PRSS23: variants seen among roughly 807,000 people sequenced by gnomAD.
PRSS23 encodes protease, serine 23.
Under a neutral mutation model 34.7 loss-of-function variants are expected in PRSS23, and 25 were observed. The observed-to-expected ratio is 0.72, with a 90% CI of 0.53 to 1.01. The LOEUF (loss-of-function observed/expected upper bound fraction) is 1.01. Ranked by LOEUF, PRSS23 falls within the 50% of genes least tolerant of loss-of-function variation. The pLI, the probability that PRSS23 is intolerant of heterozygous loss-of-function variation, is 0.00. For synonymous variants in PRSS23, 176 were observed against 186.6 expected (o/e 0.94, Z 0.46); for missense variants, 445 against 475.6 (o/e 0.94, Z 0.60).
intron 2 of PRSS23, among the ~76,000 whole-genome samples, chr11:86,902,555 C>T (rs953409324): frequency 2.6e-5 from 4 of 152,144 alleles, no homozygotes; most frequent in East Asian, 1.9e-4. Context: ...TGAGCTGCCA[C>T]CAGATAACAG....
intron 2 of PRSS23, among the ~76,000 whole-genome samples, chr11:86,939,424 A>ATTTTTTT (rs1346009599): frequency 2.4e-4 from 20 of 84,004 alleles, no homozygotes; most frequent in African/African-American, 6.4e-4. Flanking sequence ...ATATATATAT[A>ATTTTTTT]TATTTTTTAA....
At chr11:86,823,164 C>A (rs577693284) in intron 1 of PRSS23, among the ~76,000 whole-genome samples, 1 of 152,254 alleles carries the variant, frequency 6.6e-6, no homozygotes, top group East Asian at 1.9e-4. Context: ...AACATGGAGG[C>A]AGAGGGTAAT....
At chr11:86,841,412 C>A (rs1948447464) in intron 2 of PRSS23, among the ~76,000 whole-genome samples, 1 of 149,692 alleles carries the variant, frequency 6.7e-6, no homozygotes, top group South Asian at 2.1e-4. Flanking sequence ...AACTCAAAAG[C>A]TAGCAGAAGT....
intron 2 of PRSS23, among the ~76,000 whole-genome samples, chr11:86,872,505 A>G (rs2508428): frequency 0.57 from 86,468 of 152,004 alleles, 25,532 homozygotes; most frequent in African/African-American, 0.73. Context: ...CAGACTGTTA[A>G]GGTCATTTGA....
exon 1 of PRSS23, chr11:86,791,147 G>C (rs1947950014): frequency 6.6e-6 from 1 of 152,354 alleles, no homozygotes; most frequent in African/African-American, 2.4e-5. Flanking sequence ...AGCTGCAGTG[G>C]AGGGTACCTG....
At chr11:86,799,524 A>C (rs966558037), upstream of PRSS23, among the ~76,000 whole-genome samples, 1 of 152,172 alleles carries the variant, frequency 6.6e-6, no homozygotes, top group Non-Finnish European at 1.5e-5. Flanking sequence ...CCTTATAAAA[A>C]TTAGTGTAAT....
chr11:86,932,582 T>C (rs1949133275), intron 2 of PRSS23: 1 of 146,812 alleles, frequency 6.8e-6, no homozygotes, highest in Admixed American at 7.0e-5. Flanking sequence ...ACCATTTAAC[T>C]GAATTCAACT....
upstream of PRSS23, among the ~76,000 whole-genome samples, chr11:86,799,121 A>AGT (rs1462501625): frequency 6.6e-6 from 1 of 152,220 alleles, no homozygotes; most frequent in Non-Finnish European, 1.5e-5. Context: ...GGCCGGGAGC[A>AGT]GTGACTCACG....
chr11:86,917,080 G>A (rs1483609398), intron 2 of PRSS23, among the ~76,000 whole-genome samples: 1 of 152,226 alleles, frequency 6.6e-6, no homozygotes, highest in Non-Finnish European at 1.5e-5. Flanking sequence ...AGCACTTTGG[G>A]AGGCCAAGGC....
chr11:86,835,771 G>A (rs766085647), intron 2 of PRSS23, among the ~76,000 whole-genome samples: 2 of 152,132 alleles, frequency 1.3e-5, no homozygotes, highest in Non-Finnish European at 2.9e-5. Context: ...CTGAGCCTTT[G>A]GTTTGGAAAC....
At chr11:86,886,243 C>A (rs1948801508) in intron 2 of PRSS23, among the ~76,000 whole-genome samples, 1 of 152,088 alleles carries the variant, frequency 6.6e-6, no homozygotes, top group Non-Finnish European at 1.5e-5. Flanking sequence ...GAATATAGCC[C>A]CACAGTTGTC....
At chr11:86,941,819 G>A (rs4144615) in intron 2 of PRSS23, among the ~76,000 whole-genome samples, 83,939 of 151,996 alleles carry the variant, frequency 0.55, 23,674 homozygotes, top group Middle Eastern at 0.69. Context: ...CTGCCAACCT[G>A]ATGGCTCTTG....
intron 1 of PRSS23, among the ~76,000 whole-genome samples, chr11:86,806,685 A>G (rs1040871675): frequency 2.6e-5 from 4 of 152,212 alleles, no homozygotes; most frequent in East Asian, 1.9e-4. Context: ...CGCATCATCC[A>G]TGTACATCAT....
At chr11:86,868,978 A>G (rs1201313038) in intron 2 of PRSS23, among the ~76,000 whole-genome samples, 3 of 152,030 alleles carry the variant, frequency 2.0e-5, no homozygotes, top group African/African-American at 7.2e-5. Flanking sequence ...TGCCCAGCTA[A>G]CCTTTTGTAT....
intron 2 of PRSS23, among the ~76,000 whole-genome samples, chr11:86,876,836 GA>G (rs11356879): frequency 0.48 from 73,247 of 151,910 alleles, 18,763 homozygotes; most frequent in African/African-American, 0.66. Context: ...AAACCAATTA[GA>G]AAGACAAGTG....
At chr11:86,802,978 A>G (rs1251543635) in intron 1 of PRSS23, among the ~76,000 whole-genome samples, 1 of 152,240 alleles carries the variant, frequency 6.6e-6, no homozygotes, top group East Asian at 1.9e-4. Context: ...TAACCTATTT[A>G]TGAATCAGAT....
chr11:86,890,655 G>A (rs1948835549), intron 2 of PRSS23, among the ~76,000 whole-genome samples: 3 of 152,142 alleles, frequency 2.0e-5, no homozygotes, highest in African/African-American at 7.2e-5. Context: ...ACACGGGATT[G>A]AGGCCCTAAG....
At chr11:86,843,551 C>T (rs559695718) in intron 2 of PRSS23, among the ~76,000 whole-genome samples, 43 of 152,170 alleles carry the variant, frequency 2.8e-4, no homozygotes, top group African/African-American at 9.4e-4. Flanking sequence ...CCAGAATCTA[C>T]AATGAACTTA....
intron 2 of PRSS23, chr11:86,823,710 C>A: frequency 4.6e-6 from 3 of 654,742 alleles, no homozygotes; most frequent in Non-Finnish European, 8.4e-6. Context: ...TTGGTTTCAT[C>A]AAGAATTCAG....
Sources: gnomAD v4.1 joint callset for allele counts (sites outside exome capture counted in the v4.1 genomes callset) on GRCh38, gnomAD v4.1.1 for gene constraint, MANE v1.5 for transcripts, NCBI Gene and HGNC (gene_info 2026-07-23, HGNC 2026-07-21) for gene names.